The following CNTN6 variants were observed in gnomAD, a reference collection of about 807,000 sequenced individuals.
The protein encoded by CNTN6 is contactin 6.
In CNTN6, 137 loss-of-function variants were observed where a neutral mutation model predicts 122.8. That is an observed-to-expected ratio of 1.12 (90% CI 0.97 to 1.29). The LOEUF (loss-of-function observed/expected upper bound fraction) is 1.29, where lower values mean the gene tolerates loss of function less well. Ranked by LOEUF, CNTN6 falls within the 50% of genes most tolerant of loss-of-function variation. CNTN6 has a pLI of 0.00. For synonymous variants in CNTN6, 570 were observed against 426.0 expected, an observed-to-expected ratio of 1.34 and a Z score of -4.16; for missense variants, 1,634 against 1,223.4, an observed-to-expected ratio of 1.34 and a Z score of -5.01.
chr3:1,123,363 TTCTC>T (rs2092034613), intron 1 of CNTN6, among the ~76,000 whole-genome samples: 1 of 151,908 alleles, frequency 6.6e-6, no homozygotes, highest in South Asian at 2.1e-4. Context: ...GTCTTTCACT[TTCTC>T]TGTTACATTT....
chr3:1,217,717 C>T (rs769304232), intron 2 of CNTN6, among the ~76,000 whole-genome samples: 8 of 152,128 alleles, frequency 5.3e-5, no homozygotes, highest in Non-Finnish European at 1.2e-4. Context: ...TCTCAGATTC[C>T]TCTGGTGCCT....
chr3:1,330,567 G>A (rs539339972), intron 11 of CNTN6, among the ~76,000 whole-genome samples: 2 of 151,878 alleles, frequency 1.3e-5, no homozygotes, highest in African/African-American at 4.8e-5. Flanking sequence ...TATACATGAG[G>A]TGACTAGACC....
chr3:1,110,719 G>A (rs1173712395), intron 1 of CNTN6, among the ~76,000 whole-genome samples: 1 of 151,992 alleles, frequency 6.6e-6, no homozygotes, highest in African/African-American at 2.4e-5. Flanking sequence ...GTTTGACAAT[G>A]TTGTCAGGAT....
At chr3:1,243,754 G>A (rs974168809) in intron 4 of CNTN6, among the ~76,000 whole-genome samples, 9 of 152,182 alleles carry the variant, frequency 5.9e-5, no homozygotes, top group Admixed American at 3.3e-4. Flanking sequence ...GTCACAGAAC[G>A]AAACTGTAAG....
chr3:1,187,962 C>T (rs1251698237), intron 2 of CNTN6, among the ~76,000 whole-genome samples: 2 of 152,210 alleles, frequency 1.3e-5, no homozygotes, highest in African/African-American at 4.8e-5. Context: ...GAAAGCCCCA[C>T]ACTGCACCAC....
chr3:1,316,177 T>C (rs1700074921), intron 7 of CNTN6, among the ~76,000 whole-genome samples: 1 of 151,972 alleles, frequency 6.6e-6, no homozygotes, highest in African/African-American at 2.4e-5. Context: ...CTATTACTAA[T>C]TACCATGCTA....
intron 5 of CNTN6, 100 bp from the exon 6 acceptor site, chr3:1,295,501 C>T (rs184329570): frequency 1.5e-5 from 14 of 945,924 alleles, no homozygotes; most frequent in African/African-American, 1.3e-4. Context: ...ACAATTTTCT[C>T]CTAATTATGG....
chr3:1,187,643 CTACCCAAAATTTGCTACATAATTTG>C (rs2093648138), intron 2 of CNTN6, among the ~76,000 whole-genome samples: 1 of 152,174 alleles, frequency 6.6e-6, no homozygotes, highest in South Asian at 2.1e-4. Context: ...AGCATTGCCC[CTACCCAAAATTTGCTACATAATTTG>C]TGAGGCCAAG....
intron 1 of CNTN6, among the ~76,000 whole-genome samples, chr3:1,113,693 G>A (rs946116149): frequency 2.6e-5 from 4 of 152,142 alleles, no homozygotes; most frequent in South Asian, 2.1e-4. Context: ...CAGGTAGTTA[G>A]GATGTGATTA....
chr3:1,221,695 T>A (rs1266946186), intron 3 of CNTN6, among the ~76,000 whole-genome samples: 2 of 152,200 alleles, frequency 1.3e-5, no homozygotes, highest in African/African-American at 4.8e-5. Context: ...TTTACAAATT[T>A]AAAAATATAT....
At chr3:1,322,833 C>T (rs1701048623) in intron 8 of CNTN6, among the ~76,000 whole-genome samples, 6 of 151,510 alleles carry the variant, frequency 4.0e-5, no homozygotes, top group Admixed American at 4.0e-4. Flanking sequence ...TAATTTTCTA[C>T]TCATTATTCT....
chr3:1,402,505 G>T lies in CNTN6; in HGVS notation c.2986+19G>T, dbSNP rs747977614. On this transcript the variant is annotated intron_variant, in intron 22 of 22. Coordinates refer to ENST00000446702, the MANE Select transcript of CNTN6 (RefSeq NM_001289080.2). ...ATGTCAAGTAAGTTGAGTCACCATT[G>T]CTGTAGTAGATTCTGAACCTAGACA... 19 of 1,593,516 alleles carry T rather than the reference G, an allele frequency of 1.2e-5. No individual in the cohort carries two copies. Among genetic ancestry groups the T allele is most frequent in the Non-Finnish European group, 1.6e-5 (19 of 1,165,310 alleles).
intron 17 of CNTN6, among the ~76,000 whole-genome samples, chr3:1,379,105 T>C (rs1710288776): frequency 6.6e-6 from 1 of 152,158 alleles, no homozygotes; most frequent in Non-Finnish European, 1.5e-5. Flanking sequence ...CAGGCTGTTG[T>C]TGCAATTGCT....
intron 20 of CNTN6, among the ~76,000 whole-genome samples, chr3:1,399,013 T>C (rs553758478): frequency 6.6e-6 from 1 of 152,262 alleles, no homozygotes; most frequent in East Asian, 1.9e-4. Context: ...AAGAAATCAA[T>C]TCTGTCTCCT....
chr3:1,284,122 T>C (rs1006031195), intron 5 of CNTN6, among the ~76,000 whole-genome samples: 1 of 152,250 alleles, frequency 6.6e-6, no homozygotes, highest in Non-Finnish European at 1.5e-5. Context: ...TTCAGGTTGG[T>C]AGAACAGTTG....
chr3:1,167,565 T>A (rs1235325492), intron 2 of CNTN6, among the ~76,000 whole-genome samples: 2 of 149,348 alleles, frequency 1.3e-5, no homozygotes, highest in Non-Finnish European at 3.0e-5. Context: ...CTATGCACTT[T>A]TACACTCTTT....
chr3:1,251,220 T>C (rs968028081), intron 4 of CNTN6, among the ~76,000 whole-genome samples: 14 of 152,280 alleles, frequency 9.2e-5, no homozygotes, highest in Non-Finnish European at 4.4e-5. Flanking sequence ...ATAGCCACGC[T>C]GCTAAGATGA....
intron 2 of CNTN6, among the ~76,000 whole-genome samples, chr3:1,165,925 C>T (rs2093237743): frequency 1.3e-5 from 2 of 152,166 alleles, no homozygotes; most frequent in Admixed American, 6.5e-5. Context: ...TCATTTCTTC[C>T]TTCCCTTCAA....
At chr3:1,156,661 C>T (rs1028494709) in intron 2 of CNTN6, among the ~76,000 whole-genome samples, 3 of 134,862 alleles carry the variant, frequency 2.2e-5, no homozygotes, top group African/African-American at 3.1e-5. Context: ...CTTGCTCTTT[C>T]CCTTCCTTCC....
Sources: gnomAD v4.1 joint callset for allele counts (sites outside exome capture counted in the v4.1 genomes callset) on GRCh38, gnomAD v4.1.1 for gene constraint, MANE v1.5 for transcripts, NCBI Gene and HGNC (gene_info 2026-07-23, HGNC 2026-07-21) for gene names.